SUGCT: variants seen among roughly 807,000 people sequenced by gnomAD.
SUGCT encodes succinyl-CoA:glutarate CoA-transferase.
A neutral mutation model predicts 55.0 loss-of-function variants in SUGCT; 41 were observed. The ratio of observed to expected loss-of-function variants is 0.74; its 90% CI spans 0.58 to 0.97. The LOEUF is 0.97. Ranked by LOEUF, SUGCT falls within the 50% of genes least tolerant of loss-of-function variation. The pLI, the probability that SUGCT is intolerant of heterozygous loss-of-function variation, is 0.00. For missense variants in SUGCT, 568 were observed against 547.8 expected (o/e 1.04, Z -0.37); for synonymous variants, 187 against 200.4 (o/e 0.93, Z 0.56).
chr7:40,411,324 C>T (rs997873173), intron 9 of SUGCT, among the ~76,000 whole-genome samples: 1 of 152,144 alleles, frequency 6.6e-6, no homozygotes, highest in Non-Finnish European at 1.5e-5. Context: ...GCCTGGGCAG[C>T]GGAGGCTGCA....
intron 3 of SUGCT, among the ~76,000 whole-genome samples, chr7:40,186,284 G>A (rs73312995): frequency 1.4e-5 from 2 of 139,124 alleles, no homozygotes; most frequent in Non-Finnish European, 3.0e-5. Context: ...CTTTTCACAG[G>A]ATCTTGCTCT....
the SUGCT span, among the ~76,000 whole-genome samples, chr7:41,015,123 C>T: frequency 1.3e-5 from 2 of 152,050 alleles, no homozygotes; most frequent in Non-Finnish European, 2.9e-5. Flanking sequence ...TCTCCATGGT[C>T]CAGTGGTCAT....
At chr7:40,833,122 G>A (rs557040208) in intron 13 of SUGCT, among the ~76,000 whole-genome samples, 52 of 152,046 alleles carry the variant, frequency 3.4e-4, no homozygotes, top group Admixed American at 6.5e-4. Flanking sequence ...CCACTGGAAA[G>A]GAATCTGATC....
chr7:40,244,397 C>CA (rs1789675439), intron 7 of SUGCT, among the ~76,000 whole-genome samples: 1 of 152,084 alleles, frequency 6.6e-6, no homozygotes, highest in South Asian at 2.1e-4. Flanking sequence ...AGGCCAGTCA[C>CA]AGAGGCGCTG....
At chr7:40,697,607 C>CA (rs1300352039) in intron 12 of SUGCT, among the ~76,000 whole-genome samples, 1 of 152,164 alleles carries the variant, frequency 6.6e-6, no homozygotes, top group East Asian at 1.9e-4. Context: ...CACTGCACTC[C>CA]AGCCTGGGTG....
intron 12 of SUGCT, among the ~76,000 whole-genome samples, chr7:40,612,224 T>C (rs1194986417): frequency 6.6e-6 from 1 of 152,232 alleles, no homozygotes; most frequent in Non-Finnish European, 1.5e-5. Context: ...CTCTTCTTCA[T>C]ACGTTGTTGT....
chr7:40,598,452 G>A (rs756755364), intron 12 of SUGCT, among the ~76,000 whole-genome samples: 1 of 152,210 alleles, frequency 6.6e-6, no homozygotes, highest in African/African-American at 2.4e-5. Flanking sequence ...ACAGGCAGAT[G>A]CTCTTTAGAA....
At chr7:40,305,828 AT>A (rs898754450) in intron 8 of SUGCT, among the ~76,000 whole-genome samples, 8 of 149,276 alleles carry the variant, frequency 5.4e-5, no homozygotes, top group Admixed American at 1.3e-4. Context: ...CGCCCAGTTA[AT>A]TTTTTTTTTA....
Position 40,377,128 on chromosome 7 carries a change from C to CTTTCTTTCTTTCTTTCTTTCTT in SUGCT, c.816+60274_816+60275insTTCTTTCTTTCTTTCTTTCTTT, listed in dbSNP as rs1491225270. 6.3e-4 allele frequency among the ~76,000 whole-genome samples: 4 copies of CTTTCTTTCTTTCTTTCTTTCTT among 6,318 alleles called. 1 individual carries two copies. The Admixed American group carries it at 0.011, about 17-fold the overall frequency. 4.1% of individuals were successfully genotyped at this position (6,318 alleles called of 152,430 possible). ...CTTGGAAAGGAAATTTTCAGCCTTC[C>CTTTCTTTCTTTCTTTCTTTCTT]TCTTTCTTTCTTTCTTTCTTTCTTT... is the stretch of plus-strand genomic sequence containing the variant. On this transcript the variant is annotated intron_variant, in intron 9 of 13. Coordinates refer to ENST00000335693, the MANE Select transcript of SUGCT (RefSeq NM_001193313.2).
chr7:40,440,273 C>T (rs1198832218), intron 9 of SUGCT, among the ~76,000 whole-genome samples: 2 of 150,418 alleles, frequency 1.3e-5, no homozygotes, highest in East Asian at 4.0e-4. Context: ...GATTCTTCTG[C>T]CTCAGCCTCC....
chr7:40,330,742 T>C (rs1182863610), intron 9 of SUGCT, among the ~76,000 whole-genome samples: 1 of 152,094 alleles, frequency 6.6e-6, no homozygotes, highest in East Asian at 1.9e-4. Context: ...GTTTGGGTAA[T>C]TTCAGCCAAG....
At chr7:40,894,685 T>C in the SUGCT span, among the ~76,000 whole-genome samples, 4 of 152,246 alleles carry the variant, frequency 2.6e-5, no homozygotes, top group African/African-American at 9.6e-5. Context: ...AAGATATACA[T>C]GTGACCAACA....
At chr7:40,898,765 G>A in the SUGCT span, among the ~76,000 whole-genome samples, 1 of 152,054 alleles carries the variant, frequency 6.6e-6, no homozygotes, top group Admixed American at 6.5e-5. Context: ...GAGACCGAAA[G>A]CCTACCAATT....
chr7:40,785,240 C>G (rs1789953880), intron 13 of SUGCT: 1 of 152,196 alleles, frequency 6.6e-6, no homozygotes, highest in South Asian at 2.1e-4. Context: ...CTCAGATTAA[C>G]TTGATCTGCC....
At chr7:40,166,037 A>T (rs1213947687) in intron 1 of SUGCT, among the ~76,000 whole-genome samples, 1 of 152,184 alleles carries the variant, frequency 6.6e-6, no homozygotes, top group Non-Finnish European at 1.5e-5. Flanking sequence ...CAGGAGAATC[A>T]CTTGAACCCG....
At chr7:40,690,617 T>C (rs557071318) in intron 12 of SUGCT, among the ~76,000 whole-genome samples, 1 of 152,170 alleles carries the variant, frequency 6.6e-6, no homozygotes, top group South Asian at 2.1e-4. Flanking sequence ...GCTCAGGCTG[T>C]AGTGCAGTGG....
At chr7:40,418,341 T>C (rs909811705) in intron 9 of SUGCT, among the ~76,000 whole-genome samples, 1 of 152,148 alleles carries the variant, frequency 6.6e-6, no homozygotes, top group Non-Finnish European at 1.5e-5. Flanking sequence ...TTCTCCTTGG[T>C]TGGGTGATAA....
chr7:40,641,349 G>T (rs1800261760), intron 12 of SUGCT, among the ~76,000 whole-genome samples: 1 of 152,150 alleles, frequency 6.6e-6, no homozygotes, highest in South Asian at 2.1e-4. Context: ...GAAAAAATAT[G>T]AAGATCATTT....
intron 12 of SUGCT, among the ~76,000 whole-genome samples, chr7:40,641,716 G>T (rs1007730373): frequency 6.6e-6 from 1 of 152,152 alleles, no homozygotes; most frequent in Admixed American, 6.5e-5. Context: ...CATGTGTAAA[G>T]GTTTCCCCTT....
Sources: allele counts gnomAD v4.1 joint callset (sites outside exome capture counted in the v4.1 genomes callset), GRCh38; gene constraint gnomAD v4.1.1; transcripts MANE v1.5; gene names NCBI Gene and HGNC (gene_info 2026-07-23, HGNC 2026-07-21).